The following LAMA3 variants were observed in gnomAD, a reference collection of about 807,000 sequenced individuals.
The protein encoded by LAMA3 is laminin subunit alpha-3.
In LAMA3, 281 loss-of-function variants were observed where a neutral mutation model predicts 402.0. The observed-to-expected ratio is 0.70, with a 90% CI of 0.63 to 0.77. The LOEUF (loss-of-function observed/expected upper bound fraction) is 0.77, where lower values mean the gene tolerates loss of function less well. Ranked by LOEUF, LAMA3 falls within the 30% of genes least tolerant of loss-of-function variation. The pLI is 0.00. For synonymous variants in LAMA3, 1,431 were observed against 1,558.4 expected, an observed-to-expected ratio of 0.92 and a Z score of 1.93; for missense variants, 3,840 against 4,215.5, an observed-to-expected ratio of 0.91 and a Z score of 2.47.
chr18:23,738,202 T>TG (rs1275317271), intron 2 of LAMA3, among the ~76,000 whole-genome samples: 1 of 149,846 alleles, frequency 6.7e-6, no homozygotes, highest in African/African-American at 2.5e-5. Context: ...AGAAGAGAGG[T>TG]GGGGTAGGGC....
At chr18:23,830,638 C>T (rs991006783) in intron 23 of LAMA3, among the ~76,000 whole-genome samples, 6 of 152,250 alleles carry the variant, frequency 3.9e-5, no homozygotes, top group Non-Finnish European at 8.8e-5. Context: ...TAAAAATTAA[C>T]GACAACCTGA....
intron 11 of LAMA3, 26 bp downstream of exon 11, chr18:23,777,645 C>G: frequency 6.5e-7 from 1 of 1,531,006 alleles, no homozygotes; most frequent in Non-Finnish European, 9.1e-7. Context: ...TTTGGTTTAA[C>G]TCCAGTGAAA....
At chr18:23,804,534 C>T (rs1414180889) in intron 12 of LAMA3, among the ~76,000 whole-genome samples, 2 of 152,194 alleles carry the variant, frequency 1.3e-5, no homozygotes, top group African/African-American at 4.8e-5. Context: ...ATAATGTCCT[C>T]AATGTAATAG....
At chr18:23,826,861 T>C in intron 22 of LAMA3, 62 bp downstream of exon 22, 1 of 972,294 alleles carries the variant, frequency 1.0e-6, no homozygotes. Flanking sequence ...GAGCCTTTAA[T>C]GCAAGCTTTC....
chr18:23,876,937 C>T (rs929442660), intron 39 of LAMA3, among the ~76,000 whole-genome samples: 1 of 152,180 alleles, frequency 6.6e-6, no homozygotes, highest in Non-Finnish European at 1.5e-5. Context: ...AGGAGAATTG[C>T]TTGAACCCTG....
intron 36 of LAMA3, among the ~76,000 whole-genome samples, chr18:23,866,264 C>T (rs1190612919): frequency 6.6e-6 from 1 of 152,194 alleles, no homozygotes; most frequent in Non-Finnish European, 1.5e-5. Flanking sequence ...GTGCCACTGC[C>T]TGAAGTCGGC....
chr18:23,699,334 G>T (rs1253176875), intron 1 of LAMA3, among the ~76,000 whole-genome samples: 2 of 152,102 alleles, frequency 1.3e-5, no homozygotes, highest in African/African-American at 2.4e-5. Context: ...TACCCTTTCT[G>T]GTCCTCAAAA....
At chr18:23,756,899 A>G (rs1409695561) in intron 6 of LAMA3, among the ~76,000 whole-genome samples, 2 of 147,418 alleles carry the variant, frequency 1.4e-5, no homozygotes, top group African/African-American at 5.0e-5. Flanking sequence ...AGTCCCCTCC[A>G]AGCCTCCCCG....
At chr18:23,843,007 A>G (rs2063738929) in intron 29 of LAMA3, among the ~76,000 whole-genome samples, 1 of 152,140 alleles carries the variant, frequency 6.6e-6, no homozygotes, top group East Asian at 1.9e-4. Flanking sequence ...TCATCTGACC[A>G]GTCTCTGGAG....
chr18:23,817,368 A>T (rs1183037403), intron 18 of LAMA3, among the ~76,000 whole-genome samples: 1 of 152,172 alleles, frequency 6.6e-6, no homozygotes, highest in Non-Finnish European at 1.5e-5. Context: ...TTATAAAGAA[A>T]TTTTTTATGT....
chr18:23,744,911 G>C (rs2143480055), intron 2 of LAMA3, among the ~76,000 whole-genome samples: 1 of 149,430 alleles, frequency 6.7e-6, no homozygotes, highest in South Asian at 2.1e-4. Flanking sequence ...GGACAAAAGA[G>C]ACCTGACGAC....
At chr18:23,796,388 G>A (rs2144137394) in intron 12 of LAMA3, among the ~76,000 whole-genome samples, 1 of 152,268 alleles carries the variant, frequency 6.6e-6, no homozygotes, top group East Asian at 1.9e-4. Context: ...TGAACAGCAT[G>A]AATGGAGCAA....
At chr18:23,698,938 T>G (rs1205792933) in intron 1 of LAMA3, among the ~76,000 whole-genome samples, 2 of 151,868 alleles carry the variant, frequency 1.3e-5, no homozygotes, top group Non-Finnish European at 2.9e-5. Context: ...CAGGATTCTG[T>G]GATAAAAATT....
intron 19 of LAMA3, among the ~76,000 whole-genome samples, chr18:23,821,069 T>A (rs1344464742): frequency 2.6e-5 from 4 of 152,232 alleles, no homozygotes. Flanking sequence ...TGTGTCATAA[T>A]AAGATGTGAA....
rs142876631 is a variant in LAMA3 at position 23,867,807 on chromosome 18, A to C, written c.4684-27A>C. ...CTTGAAAGATCCCAGTGAAGGTACT[A>C]ACACATTCATGGTTTTCTTTAAACA... On this transcript the variant is annotated intron_variant, in intron 36 of 74. Transcript: ENST00000313654. 13 of 1,563,860 alleles carry C rather than the reference A, an allele frequency of 8.3e-6. No homozygotes were observed. In the South Asian group the frequency reaches 1.4e-4, roughly 17 times the overall value.
chr18:23,735,371 C>T (rs1161745501), intron 2 of LAMA3, among the ~76,000 whole-genome samples: 1 of 152,192 alleles, frequency 6.6e-6, no homozygotes, highest in African/African-American at 2.4e-5. Context: ...ATTCTGTCTC[C>T]ACAGGAAGAA....
intron 2 of LAMA3, among the ~76,000 whole-genome samples, chr18:23,719,464 A>C (rs2061170903): frequency 6.6e-6 from 1 of 152,240 alleles, no homozygotes; most frequent in African/African-American, 2.4e-5. Flanking sequence ...ATTGTTTCTA[A>C]AGCTCCAAGG....
chr18:23,793,977 A>G (rs1362727671), intron 12 of LAMA3, among the ~76,000 whole-genome samples: 1 of 152,230 alleles, frequency 6.6e-6, no homozygotes, highest in Non-Finnish European at 1.5e-5. Flanking sequence ...AATTACATTT[A>G]CTGGTTTATT....
chr18:23,923,871 A>T (rs1274618766), intron 62 of LAMA3, among the ~76,000 whole-genome samples: 1 of 152,244 alleles, frequency 6.6e-6, no homozygotes. Flanking sequence ...AGAAAAGAGC[A>T]GTAGGTAGAA....
Sources: allele counts gnomAD v4.1 joint callset (sites outside exome capture counted in the v4.1 genomes callset), GRCh38; gene constraint gnomAD v4.1.1; transcripts MANE v1.5; gene names NCBI Gene and HGNC (gene_info 2026-07-23, HGNC 2026-07-21).